Variants in PLXDC1 observed in about 807,000 individuals in gnomAD.
PLXDC1 encodes plexin domain containing 1, also known as plexin domain-containing protein 1.
PLXDC1 carries 39 observed loss-of-function variants against 61.3 expected under a neutral mutation model. The ratio of observed to expected loss-of-function variants is 0.64; its 90% confidence interval spans 0.49 to 0.83. PLXDC1 has a LOEUF of 0.83. Among genes scored for constraint, PLXDC1 ranks in the 40% least tolerant of loss-of-function variants. The pLI, the probability that PLXDC1 is intolerant of heterozygous loss-of-function variation, is 0.00. For synonymous variants in PLXDC1, 212 were observed against 254.5 expected, an observed-to-expected ratio of 0.83 and a Z score of 1.59; for missense variants, 596 against 666.5, an observed-to-expected ratio of 0.89 and a Z score of 1.17.
At position 39,119,342 on chromosome 17, in the gene PLXDC1, G is replaced by A. The variant is rs777194867; in HGVS notation, c.256-9951C>T. On this transcript the variant is annotated intron_variant, in intron 2 of 13. Transcript: ENST00000315392. ...TGAGCCCACCACAAAGCAAGGGTAC[G>A]TGTTTGAGATTATGAATGTGCAAAT... Among the ~76,000 whole-genome samples the A allele has an allele frequency of 4.6e-5, 7 of 152,178 alleles. No homozygotes were observed. In the South Asian group the frequency reaches 8.3e-4, roughly 18 times the overall value.
At chr17:39,110,182 C>T (rs1910749260) in intron 2 of PLXDC1, among the ~76,000 whole-genome samples, 1 of 152,078 alleles carries the variant, frequency 6.6e-6, no homozygotes, top group Non-Finnish European at 1.5e-5. Flanking sequence ...AGGAGGCTGC[C>T]TCTTGGTCCT....
At chr17:39,107,830 G>T (rs1429048955) in intron 5 of PLXDC1, 4 of 568,110 alleles carry the variant, frequency 7.0e-6, no homozygotes, top group Non-Finnish European at 1.3e-5. Context: ...CCTGGATTCA[G>T]ACGGGGCTCA....
In PLXDC1 at chr17:39,087,658, C is replaced by G; in HGVS notation, c.856G>C (p.Asp286His). The G allele has an allele frequency of 6.2e-7, 1 of 1,614,070 alleles. No homozygotes were observed. The highest frequency in any genetic ancestry group is 8.5e-7 in the Non-Finnish European group (1 of 1,179,978). The change falls in exon 8 of 14, where the codon GAC becomes CAC. Residue 286 changes from aspartate to histidine, a missense_variant. Coordinates refer to ENST00000315392, the MANE Select transcript of PLXDC1 (RefSeq NM_020405.5). ...SIFEYHRIEL[D>H]PSKVTSMSAV... ...GACATGCTGGTGACCTTGCTGGGGT[C>G]CAGCTCTATGCGGTGATATTCAAAG...
intron 1 of PLXDC1, among the ~76,000 whole-genome samples, chr17:39,142,045 T>TC (rs1666019322): frequency 6.6e-6 from 1 of 152,172 alleles, no homozygotes; most frequent in African/African-American, 2.4e-5. Flanking sequence ...GCGGGAACTG[T>TC]CCAGTGCTCT....
chr17:39,095,331 A>G (rs1040649660), intron 7 of PLXDC1, among the ~76,000 whole-genome samples: 137 of 125,758 alleles, frequency 1.1e-3, no homozygotes, highest in African/African-American at 3.8e-3. Flanking sequence ...GTTTGGTAAT[A>G]TTTTTATTTT....
rs539560756 is a variant in PLXDC1 at position 39,110,738 on chromosome 17, G to A, written c.256-1347C>T. ...TGCCCAGCCGGCCCTTGCCCTGGGC[G>A]CAGCGTGAGCAGGGACAAGGGGTTC... On this transcript the variant is annotated intron_variant, in intron 2 of 13. Coordinates refer to ENST00000315392, the MANE Select transcript of PLXDC1 (RefSeq NM_020405.5). Among the ~76,000 whole-genome samples, 10 of 152,334 alleles carry A rather than the reference G, an allele frequency of 6.6e-5. No individual in the cohort carries two copies. The South Asian group carries it at 8.3e-4, about 13-fold the overall frequency.
At chr17:39,151,859 C>T (rs893137410), upstream of PLXDC1, among the ~76,000 whole-genome samples, 2 of 152,292 alleles carry the variant, frequency 1.3e-5, no homozygotes, top group South Asian at 4.1e-4. This position sits in a 1 kb window ranked among gnomAD's most constrained non-coding sequence, Gnocchi z 5.2. Flanking sequence ...GAAGCATCAG[C>T]CGCCCCGCGC....
Position 39,131,267 on chromosome 17 carries a change from C to T in PLXDC1, c.255+8387G>A, listed in dbSNP as rs189548625. 7.7e-3 allele frequency among the ~76,000 whole-genome samples: 1,168 copies of T among 152,296 alleles called. 9 individuals are homozygous for T. Among genetic ancestry groups the T allele is most frequent in the African/African-American group, 0.027 (1,132 of 41,560 alleles). On this transcript the variant is annotated intron_variant, in intron 2 of 13. Transcript: ENST00000315392. ...GATCGAGGGCCAGGACTGCCGGGCT[C>T]CTCCACAGCACTGGAGACGACATCT...
At chr17:39,108,540 T>C (rs1275051068) in intron 4 of PLXDC1, among the ~76,000 whole-genome samples, 1 of 152,110 alleles carries the variant, frequency 6.6e-6, no homozygotes, top group Non-Finnish European at 1.5e-5. Flanking sequence ...GATGTGGAAC[T>C]GAAGTGCAGG....
intron 8 of PLXDC1, among the ~76,000 whole-genome samples, chr17:39,085,389 C>T (rs4239220): frequency 0.27 from 40,628 of 152,174 alleles, 6,146 homozygotes; most frequent in Admixed American, 0.43. Context: ...CTGTTTTGTT[C>T]CCTGTGTATC....
At chr17:39,100,976 G>T (rs1372452395) in intron 7 of PLXDC1, among the ~76,000 whole-genome samples, 1 of 152,206 alleles carries the variant, frequency 6.6e-6, no homozygotes, top group Non-Finnish European at 1.5e-5. Flanking sequence ...CTGTAGTGGG[G>T]TGCACTGACT....
In PLXDC1 at chr17:39,067,752, G is replaced by A. The variant is rs969621218; in HGVS notation, c.*88C>T. 22 of 1,303,632 alleles carry A rather than the reference G, an allele frequency of 1.7e-5. No individual in the cohort carries two copies. Among genetic ancestry groups the A allele is most frequent in the Non-Finnish European group, 2.3e-5 (21 of 929,176 alleles). 80.8% of individuals were successfully genotyped at this position (1,303,632 alleles called of 1,614,324 possible). ...ATCTCATCTCAGCCCAGGGCATGCT[G>A]GGAGAGGCCAGGAAAAGTCACTTCT... On this transcript the variant is annotated 3_prime_UTR_variant, in exon 14 of 14. Coordinates refer to ENST00000315392, the MANE Select transcript of PLXDC1 (RefSeq NM_020405.5).
intron 6 of PLXDC1, 57 bp from the exon 7 acceptor site, chr17:39,106,010 C>T (rs1910580535): frequency 5.9e-6 from 7 of 1,189,398 alleles, no homozygotes; most frequent in South Asian, 3.9e-5. Context: ...GCCCACCCAG[C>T]CCTCCCCTGT....
At chr17:39,105,086 C>G (rs1910548339) in intron 7 of PLXDC1, among the ~76,000 whole-genome samples, 1 of 152,168 alleles carries the variant, frequency 6.6e-6, no homozygotes, top group Non-Finnish European at 1.5e-5. Context: ...CATCAAAGCC[C>G]AGGTGGGGTG....
Position 39,151,552 on chromosome 17 carries a change from CGAG to C in PLXDC1, c.-118_-116del. The C allele has an allele frequency of 8.3e-7, 1 of 1,206,470 alleles. No homozygotes were observed. Among genetic ancestry groups the C allele is most frequent in the Non-Finnish European group, 1.0e-6 (1 of 971,698 alleles). The allele number at this position is 1,206,470 out of a possible 1,614,324, so 74.7% of individuals were successfully genotyped here. ...CCGGGGCTGGCGGAGGGGCGGGCGG[CGAG>C]GAGACGGCGGAGCGCGGGGCCGGGC... On this transcript the variant is annotated 5_prime_UTR_variant, in exon 1 of 14. Transcript: ENST00000315392. The surrounding 1 kb of genome is among the most constrained non-coding windows in gnomAD (Gnocchi z 5.2).
At chr17:39,148,372 TTTTTA>T (rs1410166431) in intron 1 of PLXDC1, among the ~76,000 whole-genome samples, 1 of 151,780 alleles carries the variant, frequency 6.6e-6, no homozygotes, top group Non-Finnish European at 1.5e-5. Flanking sequence ...CCCAGCTAAT[TTTTTA>T]TTTTAATTTT....
intron 2 of PLXDC1, among the ~76,000 whole-genome samples, chr17:39,139,112 G>A (rs1249834479): frequency 6.6e-6 from 1 of 152,104 alleles, no homozygotes; most frequent in African/African-American, 2.4e-5. Flanking sequence ...CTCCCTCCAG[G>A]CCTCTCCTCC....
At chr17:39,117,736 T>C (rs1911023732) in intron 2 of PLXDC1, among the ~76,000 whole-genome samples, 1 of 152,100 alleles carries the variant, frequency 6.6e-6, no homozygotes, top group Non-Finnish European at 1.5e-5. Flanking sequence ...AGCAAGACAT[T>C]GTCACAAAAC....
intron 7 of PLXDC1, among the ~76,000 whole-genome samples, chr17:39,088,199 T>C (rs1909814542): frequency 6.6e-6 from 1 of 152,158 alleles, no homozygotes; most frequent in Non-Finnish European, 1.5e-5. Context: ...TGTGAGACCA[T>C]GATCATCTGG....
Sources: gnomAD v4.1 joint callset for allele counts (sites outside exome capture counted in the v4.1 genomes callset) on GRCh38, gnomAD v4.1.1 for gene constraint, Gnocchi (gnomAD v3.1) non-coding constraint, MANE v1.5 for transcripts, NCBI Gene and HGNC (gene_info 2026-07-23, HGNC 2026-07-21) for gene names.